The following NLGN1 variants were observed in gnomAD, a reference collection of about 807,000 sequenced individuals.
NLGN1 encodes neuroligin 1, also known as neuroligin-1.
Under a neutral mutation model 65.5 loss-of-function variants are expected in NLGN1, and 12 were observed. The observed-to-expected ratio is 0.18, with a 90% CI of 0.12 to 0.30. NLGN1 has a LOEUF of 0.30. Among genes scored for constraint, NLGN1 ranks in the 10% least tolerant of loss-of-function variants. NLGN1 has a pLI of 1.00. For synonymous variants in NLGN1, 350 were observed against 359.5 expected, an observed-to-expected ratio of 0.97 and a Z score of 0.30; for missense variants, 750 against 1,007.1, an observed-to-expected ratio of 0.74 and a Z score of 3.46.
intron 1 of NLGN1, among the ~76,000 whole-genome samples, chr3:173,401,197 C>G (rs894361878): frequency 2.6e-5 from 4 of 152,024 alleles, no homozygotes; most frequent in Non-Finnish European, 4.4e-5. Flanking sequence ...CATCCTTGGC[C>G]TCTATCCACC....
intron 2 of NLGN1, among the ~76,000 whole-genome samples, chr3:173,521,181 G>A (rs1734700951): frequency 6.6e-6 from 1 of 152,158 alleles, no homozygotes; most frequent in African/African-American, 2.4e-5. Context: ...CTGAATGCAT[G>A]GCAGACAACA....
chr3:173,564,217 G>A (rs935396452), intron 2 of NLGN1, among the ~76,000 whole-genome samples: 2 of 152,170 alleles, frequency 1.3e-5, no homozygotes, highest in African/African-American at 2.4e-5. Context: ...CACCTTCCAC[G>A]TGTTGTAGGC....
chr3:173,426,668 G>T (rs1248123073), intron 1 of NLGN1, among the ~76,000 whole-genome samples: 2 of 151,886 alleles, frequency 1.3e-5, no homozygotes, highest in South Asian at 2.1e-4. Context: ...GCATCCCTGG[G>T]ATAAATCTTG....
intron 1 of NLGN1, among the ~76,000 whole-genome samples, chr3:173,434,731 C>CTATT (rs1453883695): frequency 1.3e-5 from 2 of 152,092 alleles, no homozygotes; most frequent in African/African-American, 4.8e-5. Flanking sequence ...TAAAGCCACT[C>CTATT]TATTTTGTAG....
rs867881160 is a variant in NLGN1, at chr3:173,542,630, T to G, written c.-320-61649T>G. ...ATTTTATTTAGGAAAGAAACTTCTG[T>G]TTTTTGTTTTGTTTTGTTTCTTTTA... is the stretch of plus-strand genomic sequence containing the variant. On this transcript the variant is annotated intron_variant, in intron 2 of 6. Coordinates refer to ENST00000457714, the Ensembl canonical transcript of NLGN1. Among the ~76,000 whole-genome samples the G allele has an allele frequency of 2.6e-5, 4 of 152,142 alleles. No homozygotes were observed. The South Asian group carries it at 8.3e-4, about 32-fold the overall frequency.
intron 3 of NLGN1, among the ~76,000 whole-genome samples, chr3:173,705,023 C>T (rs1767832402): frequency 6.6e-6 from 1 of 152,088 alleles, no homozygotes. Flanking sequence ...GGCTTTTTGC[C>T]ATTCCAGTTG....
intron 3 of NLGN1, among the ~76,000 whole-genome samples, chr3:173,801,077 T>A (rs1378588681): frequency 6.6e-6 from 1 of 151,992 alleles, no homozygotes; most frequent in African/African-American, 2.4e-5. Flanking sequence ...GAGACATGAT[T>A]TCCAGATTGT....
chr3:173,801,001 A>G (rs1411426844), intron 3 of NLGN1, among the ~76,000 whole-genome samples: 1 of 151,986 alleles, frequency 6.6e-6, no homozygotes, highest in African/African-American at 2.4e-5. Flanking sequence ...GGACTCCTGT[A>G]GTACTTTTGA....
At chr3:173,849,551 C>T (rs1560489431) in intron 4 of NLGN1, among the ~76,000 whole-genome samples, 1 of 152,112 alleles carries the variant, frequency 6.6e-6, no homozygotes, top group African/African-American at 2.4e-5. Flanking sequence ...ACAAAATCAG[C>T]GGTATGCAAA....
chr3:173,840,788 T>A (rs1372117558), intron 4 of NLGN1, among the ~76,000 whole-genome samples: 1 of 152,204 alleles, frequency 6.6e-6, no homozygotes, highest in Non-Finnish European at 1.5e-5. Context: ...TACCTAGTTA[T>A]TATCTACCAC....
intron 2 of NLGN1, among the ~76,000 whole-genome samples, chr3:173,452,818 A>G (rs1721850508): frequency 6.6e-6 from 1 of 152,250 alleles, no homozygotes; most frequent in Non-Finnish European, 1.5e-5. Context: ...AATAAAGTGA[A>G]TAACACAGTA....
chr3:174,108,432 C>G (rs1381180322), intron 4 of NLGN1, among the ~76,000 whole-genome samples: 1 of 151,716 alleles, frequency 6.6e-6, no homozygotes, highest in African/African-American at 2.4e-5. Flanking sequence ...TTTTCAATAC[C>G]AAGCCTGGAC....
At chr3:174,032,811 C>G in intron 4 of NLGN1, among the ~76,000 whole-genome samples, 1 of 152,196 alleles carries the variant, frequency 6.6e-6, no homozygotes, top group East Asian at 1.9e-4. Flanking sequence ...AGAGGCTTAT[C>G]CCAGTGGAGG....
chr3:173,881,674 C>T (rs77514664), intron 4 of NLGN1, among the ~76,000 whole-genome samples: 20,223 of 151,936 alleles, frequency 0.13, 1,974 homozygotes, highest in East Asian at 0.42. Flanking sequence ...GATCCACCCA[C>T]CTCGGCCTCC....
intron 4 of NLGN1, among the ~76,000 whole-genome samples, chr3:173,820,570 T>G (rs905133747): frequency 3.3e-5 from 5 of 152,228 alleles, no homozygotes; most frequent in African/African-American, 9.6e-5. Flanking sequence ...TCTATGCATA[T>G]GTACCTATGA....
intron 2 of NLGN1, among the ~76,000 whole-genome samples, chr3:173,515,355 T>C (rs1733654488): frequency 6.6e-6 from 1 of 152,178 alleles, no homozygotes; most frequent in South Asian, 2.1e-4. Flanking sequence ...ACTTATTTTA[T>C]TATTGAGTCC....
chr3:173,986,383 C>T (rs893545771), intron 4 of NLGN1, among the ~76,000 whole-genome samples: 20 of 151,976 alleles, frequency 1.3e-4, no homozygotes, highest in Non-Finnish European at 2.2e-4. Flanking sequence ...GAAGGAGAAT[C>T]GCTCAAACCC....
intron 2 of NLGN1, among the ~76,000 whole-genome samples, chr3:173,535,636 G>A (rs1737310646): frequency 6.6e-6 from 1 of 152,114 alleles, no homozygotes; most frequent in African/African-American, 2.4e-5. Context: ...GATCAAACTA[G>A]TATAAACAGT....
intron 2 of NLGN1, among the ~76,000 whole-genome samples, chr3:173,436,814 T>C (rs1718224598): frequency 6.6e-6 from 1 of 152,212 alleles, no homozygotes; most frequent in Non-Finnish European, 1.5e-5. Flanking sequence ...CCATGATTTC[T>C]AGCAGTTACT....
Sources: allele counts gnomAD v4.1 joint callset (sites outside exome capture counted in the v4.1 genomes callset), GRCh38; gene constraint gnomAD v4.1.1; transcripts MANE v1.5; gene names NCBI Gene and HGNC (gene_info 2026-07-23, HGNC 2026-07-21).